The following DHRSX variants were observed in gnomAD, a reference collection of about 807,000 sequenced individuals.
The protein encoded by DHRSX is dehydrogenase/reductase X-linked.
A neutral mutation model predicts 34.0 loss-of-function variants in DHRSX; 31 were observed. That is an observed-to-expected ratio of 0.91 (90% CI 0.69 to 1.23). DHRSX has a LOEUF of 1.23. Among genes scored for constraint, DHRSX ranks in the 50% most tolerant of loss-of-function variants. The probability of loss-of-function intolerance (pLI) is 0.00; values close to 1 mark genes in which losing one functional copy is unlikely to be tolerated. For synonymous variants in DHRSX, 201 were observed against 183.8 expected (o/e 1.09, Z -0.76); for missense variants, 414 against 428.1 (o/e 0.97, Z 0.29).
chrX:2,255,154 G>A (rs1351082003), intron 5 of DHRSX, among the ~76,000 whole-genome samples: 7 of 151,914 alleles, frequency 4.6e-5, no homozygotes, highest in South Asian at 2.1e-4. Context: ...TAGTAGAGAC[G>A]GGTTTTTACC....
intron 4 of DHRSX, among the ~76,000 whole-genome samples, chrX:2,270,537 G>A: frequency 6.6e-6 from 1 of 152,124 alleles, no homozygotes; most frequent in Non-Finnish European, 1.5e-5. Flanking sequence ...TGCGCGGAGG[G>A]CCCACAGAAG....
chrX:2,363,306 C>T (rs1385977688), intron 3 of DHRSX, among the ~76,000 whole-genome samples: 5 of 146,384 alleles, frequency 3.4e-5, no homozygotes, highest in African/African-American at 1.0e-4. Context: ...ATTTTATCAC[C>T]GTTCTATGGT....
chrX:2,369,765 A>G, intron 3 of DHRSX, among the ~76,000 whole-genome samples: 1 of 152,050 alleles, frequency 6.6e-6, no homozygotes, highest in East Asian at 1.9e-4. Flanking sequence ...CGGCCTCCCC[A>G]AGTGCTGGGA....
chrX:2,223,133 A>C (rs1447855726), intron 6 of DHRSX, among the ~76,000 whole-genome samples: 2 of 151,990 alleles, frequency 1.3e-5, no homozygotes, highest in African/African-American at 4.8e-5. Context: ...TCCCCACCCA[A>C]ATTTCATCTT....
intron 3 of DHRSX, among the ~76,000 whole-genome samples, chrX:2,319,221 C>A (rs973210577): frequency 2.2e-5 from 3 of 136,122 alleles, no homozygotes; most frequent in Non-Finnish European, 3.2e-5. Flanking sequence ...CCTCCTCCCC[C>A]CCTCCCTTCT....
At chrX:2,391,088 T>A (rs1261863785) in intron 3 of DHRSX, among the ~76,000 whole-genome samples, 3 of 152,216 alleles carry the variant, frequency 2.0e-5, no homozygotes, top group Non-Finnish European at 4.4e-5. Context: ...ACCTTCGGGT[T>A]ATTGTAAGTA....
At chrX:2,484,688 G>A (rs1175130585) in intron 1 of DHRSX, among the ~76,000 whole-genome samples, 1 of 152,136 alleles carries the variant, frequency 6.6e-6, no homozygotes, top group African/African-American at 2.4e-5. Flanking sequence ...TGAGCCCCAC[G>A]ATTTGACGGA....
intron 1 of DHRSX, chrX:2,490,035 C>T: frequency 6.2e-7 from 1 of 1,613,810 alleles, no homozygotes; most frequent in Non-Finnish European, 8.5e-7. Flanking sequence ...CAGCGGGAGC[C>T]CATGGACAGG....
intron 5 of DHRSX, among the ~76,000 whole-genome samples, chrX:2,249,877 C>T (rs1234707874): frequency 6.6e-6 from 1 of 150,920 alleles, no homozygotes; most frequent in African/African-American, 2.4e-5. Context: ...AAAAAATAAA[C>T]CTTGGGCCAG....
At chrX:2,255,427 C>T (rs1216688913) in intron 5 of DHRSX, among the ~76,000 whole-genome samples, 3 of 152,058 alleles carry the variant, frequency 2.0e-5, no homozygotes. Context: ...ACAACTTAGT[C>T]TATACTGGAT....
chrX:2,350,935 A>G, intron 3 of DHRSX, among the ~76,000 whole-genome samples: 1 of 152,330 alleles, frequency 6.6e-6, no homozygotes, highest in African/African-American at 2.4e-5. Context: ...CTGCAGGGAC[A>G]TGGATGAAGC....
At chrX:2,445,815 C>T (rs1317242891) in intron 1 of DHRSX, among the ~76,000 whole-genome samples, 1 of 151,926 alleles carries the variant, frequency 6.6e-6, no homozygotes, top group Non-Finnish European at 1.5e-5. Context: ...AGGCATGTGG[C>T]CAAGGGACTG....
chrX:2,403,226 A>G (rs1270300799), intron 3 of DHRSX, among the ~76,000 whole-genome samples: 3 of 152,138 alleles, frequency 2.0e-5, no homozygotes, highest in Non-Finnish European at 4.4e-5. Flanking sequence ...TGTTGACTGT[A>G]GTCACCCTTT....
intron 3 of DHRSX, among the ~76,000 whole-genome samples, chrX:2,349,543 C>T (rs1171388411): frequency 1.3e-5 from 2 of 151,460 alleles, no homozygotes; most frequent in Non-Finnish European, 2.9e-5. Flanking sequence ...AAAAATTAGC[C>T]GGGCATGGTG....
intron 4 of DHRSX, among the ~76,000 whole-genome samples, chrX:2,285,686 C>G (rs886083208): frequency 1.3e-5 from 2 of 152,146 alleles, no homozygotes; most frequent in African/African-American, 4.8e-5. Flanking sequence ...CTCTTAGACA[C>G]TAAAAGTACC....
intron 5 of DHRSX, among the ~76,000 whole-genome samples, chrX:2,263,512 CTTTTT>C (rs775187535): frequency 4.6e-5 from 6 of 130,444 alleles, no homozygotes; most frequent in South Asian, 2.5e-4. Context: ...ATTTTTCTTT[CTTTTT>C]TTTTTTTTTT....
At chrX:2,342,878 T>C (rs1211509455) in intron 3 of DHRSX, among the ~76,000 whole-genome samples, 1 of 152,160 alleles carries the variant, frequency 6.6e-6, no homozygotes, top group African/African-American at 2.4e-5. Context: ...CATTCAGTCA[T>C]TCTCCATCAG....
chrX:2,446,027 C>G (rs2044128887), intron 1 of DHRSX, among the ~76,000 whole-genome samples: 1 of 151,762 alleles, frequency 6.6e-6, no homozygotes, highest in Non-Finnish European at 1.5e-5. Context: ...TGTGTATTCA[C>G]TAAAGACATT....
intron 4 of DHRSX, among the ~76,000 whole-genome samples, chrX:2,284,109 C>CTTGAATTCATTCAGATTCACTCAT (rs2041772344): frequency 6.6e-6 from 1 of 151,986 alleles, no homozygotes; most frequent in African/African-American, 2.4e-5. Flanking sequence ...TATTCATTCC[C>CTTGAATTCATTCAGATTCACTCAT]TTGAATTCAT....
Sources: gnomAD v4.1 joint callset for allele counts (sites outside exome capture counted in the v4.1 genomes callset) on GRCh38, gnomAD v4.1.1 for gene constraint, MANE v1.5 for transcripts, NCBI Gene and HGNC (gene_info 2026-07-23, HGNC 2026-07-21) for gene names.